Variants in RALYL observed in about 807,000 individuals in gnomAD.
The protein encoded by RALYL is RALY RNA binding protein like.
RALYL carries 29 observed loss-of-function variants against 35.1 expected under a neutral mutation model. The ratio of observed to expected loss-of-function variants is 0.83; its 90% CI spans 0.61 to 1.13. The LOEUF is 1.13. RALYL is among the 50% of genes most tolerant of loss of function. The pLI is 0.00. For synonymous variants in RALYL, 120 were observed against 127.6 expected (o/e 0.94, Z 0.40); for missense variants, 359 against 360.4 (o/e 1.00, Z 0.03).
intron 2 of RALYL, among the ~76,000 whole-genome samples, chr8:84,611,509 C>T (rs1020721601): frequency 1.3e-5 from 2 of 151,956 alleles, no homozygotes; most frequent in South Asian, 2.1e-4. Context: ...TAGAGATATG[C>T]GGGTGTGTGT....
chr8:84,216,558 G>A (rs796216407), intron 1 of RALYL, among the ~76,000 whole-genome samples: 10 of 152,244 alleles, frequency 6.6e-5, no homozygotes, highest in African/African-American at 2.2e-4. Flanking sequence ...TTGTGTGCGT[G>A]TGGCAAGAAT....
At chr8:84,761,319 T>A (rs1457687466) in intron 2 of RALYL, among the ~76,000 whole-genome samples, 2 of 151,882 alleles carry the variant, frequency 1.3e-5, no homozygotes, top group Non-Finnish European at 2.9e-5. Context: ...AAAATATAAC[T>A]GACCAGGATA....
At position 84,467,377 on chromosome 8, in the gene RALYL, T is replaced by G. The variant is rs1474819009; in HGVS notation, c.-23-61922T>G. ...TCGTTGGTTTCAAAGAACATCTTTA[T>G]TTCTGCCTTCATTTCGTTATGTACC... On this transcript the variant is annotated intron_variant, in intron 1 of 8. Coordinates refer to ENST00000521268, the MANE Select transcript of RALYL (RefSeq NM_173848.7). 2.6e-5 allele frequency among the ~76,000 whole-genome samples: 4 copies of G among 152,180 alleles called. No homozygotes were observed. In the East Asian group the frequency reaches 7.7e-4, roughly 29 times the overall value.
At chr8:84,702,279 G>C (rs980461732) in intron 2 of RALYL, among the ~76,000 whole-genome samples, 1 of 152,010 alleles carries the variant, frequency 6.6e-6, no homozygotes, top group East Asian at 1.9e-4. Flanking sequence ...GCCCTTTTAG[G>C]TAAGTTTCCC....
intron 1 of RALYL, among the ~76,000 whole-genome samples, chr8:84,199,807 G>C (rs1021024647): frequency 5.3e-5 from 8 of 152,080 alleles, no homozygotes; most frequent in Non-Finnish European, 8.8e-5. Context: ...GTTCACTCTA[G>C]GTGTGTGAAT....
At chr8:84,372,886 G>GTTTTTTTTTTTTTGTTTTTTTT (rs1856071710) in intron 1 of RALYL, among the ~76,000 whole-genome samples, 4 of 39,062 alleles carry the variant, frequency 1.0e-4, no homozygotes, top group Non-Finnish European at 1.4e-4. Flanking sequence ...GCCAGCATCT[G>GTTTTTTTTTTTTTGTTTTTTTT]TTTTTTTTTT....
intron 1 of RALYL, among the ~76,000 whole-genome samples, chr8:84,235,720 T>C (rs946156187): frequency 3.6e-4 from 55 of 152,150 alleles, no homozygotes; most frequent in African/African-American, 1.3e-3. Context: ...TACATTGATA[T>C]GAGTTGCTAA....
chr8:84,797,001 C>T (rs1047698459), intron 3 of RALYL, among the ~76,000 whole-genome samples: 2 of 152,128 alleles, frequency 1.3e-5, no homozygotes, highest in Non-Finnish European at 2.9e-5. Context: ...TGCTGTGTGT[C>T]TTAGTTCGTT....
chr8:84,881,542 A>T (rs1381288812), intron 7 of RALYL, among the ~76,000 whole-genome samples: 2 of 152,010 alleles, frequency 1.3e-5, no homozygotes, highest in Non-Finnish European at 2.9e-5. Context: ...CAATTTAATA[A>T]AAACACTTTG....
chr8:84,641,553 C>T (rs1488873574), intron 2 of RALYL, among the ~76,000 whole-genome samples: 1 of 151,696 alleles, frequency 6.6e-6, no homozygotes, highest in African/African-American at 2.4e-5. Context: ...GTATTTATGT[C>T]ATTAACATGT....
chr8:84,229,599 T>C (rs1218545675), intron 1 of RALYL, among the ~76,000 whole-genome samples: 1 of 152,146 alleles, frequency 6.6e-6, no homozygotes, highest in African/African-American at 2.4e-5. Flanking sequence ...ATAATAATAA[T>C]TTGTGTAGCT....
At chr8:84,717,334 A>G (rs1282964407) in intron 2 of RALYL, among the ~76,000 whole-genome samples, 1 of 152,212 alleles carries the variant, frequency 6.6e-6, no homozygotes, top group Non-Finnish European at 1.5e-5. Flanking sequence ...TATTTTTTGT[A>G]CTGTATAAAC....
chr8:84,616,766 G>A (rs1177383202), intron 2 of RALYL, among the ~76,000 whole-genome samples: 1 of 151,612 alleles, frequency 6.6e-6, no homozygotes, highest in African/African-American at 2.4e-5. Flanking sequence ...ATTGATTTTT[G>A]TATAAGGTGT....
chr8:84,407,374 A>G (rs1233354144), intron 1 of RALYL, among the ~76,000 whole-genome samples: 2 of 152,148 alleles, frequency 1.3e-5, no homozygotes, highest in East Asian at 1.9e-4. Flanking sequence ...TTTTGAAAAA[A>G]CTTTTCATTA....
At chr8:84,815,358 TA>T (rs1377209838) in intron 4 of RALYL, among the ~76,000 whole-genome samples, 1 of 148,708 alleles carries the variant, frequency 6.7e-6, no homozygotes, top group Admixed American at 6.7e-5. Flanking sequence ...GTCTATTTTT[TA>T]AATATTAATA....
intron 1 of RALYL, among the ~76,000 whole-genome samples, chr8:84,425,086 A>G (rs1027866287): frequency 5.9e-5 from 9 of 152,288 alleles, no homozygotes; most frequent in African/African-American, 1.4e-4. Context: ...ACCCAGTTCG[A>G]GCTTCCTAGC....
chr8:84,535,555 C>T (rs2059545210), intron 2 of RALYL, among the ~76,000 whole-genome samples: 1 of 151,712 alleles, frequency 6.6e-6, no homozygotes, highest in African/African-American at 2.4e-5. Flanking sequence ...CCTGCCTCAG[C>T]CTCCTGAGTA....
intron 1 of RALYL, among the ~76,000 whole-genome samples, chr8:84,255,595 A>C (rs1831057205): frequency 6.6e-6 from 1 of 152,140 alleles, no homozygotes; most frequent in South Asian, 2.1e-4. Context: ...ATCCAGATTT[A>C]AGAGTCTGAC....
chr8:84,453,795 A>C (rs1168134568), intron 1 of RALYL, among the ~76,000 whole-genome samples: 3 of 152,044 alleles, frequency 2.0e-5, no homozygotes, highest in African/African-American at 7.2e-5. Context: ...GTTGGCTTAA[A>C]AAATAAAATC....
Sources: allele counts gnomAD v4.1 joint callset (sites outside exome capture counted in the v4.1 genomes callset), GRCh38; gene constraint gnomAD v4.1.1; transcripts MANE v1.5; gene names NCBI Gene and HGNC (gene_info 2026-07-23, HGNC 2026-07-21).